Variants in PRKG1 observed in about 807,000 individuals in gnomAD.
PRKG1 encodes the protein cGMP-dependent protein kinase 1.
In PRKG1, 35 loss-of-function variants were observed where a neutral mutation model predicts 88.1. That is an observed-to-expected ratio of 0.40 (90% CI 0.30 to 0.53). PRKG1 has a LOEUF of 0.53. Ranked by LOEUF, PRKG1 falls within the 20% of genes least tolerant of loss-of-function variation. PRKG1 has a pLI of 0.59. For synonymous variants in PRKG1, 303 were observed against 292.5 expected, an observed-to-expected ratio of 1.04 and a Z score of -0.37; for missense variants, 540 against 839.8, an observed-to-expected ratio of 0.64 and a Z score of 4.41.
chr10:51,023,601 G>C (rs1416528799), intron 1 of PRKG1, among the ~76,000 whole-genome samples: 1 of 152,156 alleles, frequency 6.6e-6, no homozygotes, highest in Non-Finnish European at 1.5e-5. Context: ...ATGGAGTCTA[G>C]TATATTAAAT....
intron 3 of PRKG1, among the ~76,000 whole-genome samples, chr10:51,694,707 T>C (rs1165031743): frequency 6.6e-6 from 1 of 151,740 alleles, no homozygotes; most frequent in African/African-American, 2.4e-5. Flanking sequence ...TTGGTGATTT[T>C]ATTTTAGTCT....
intron 1 of PRKG1, among the ~76,000 whole-genome samples, chr10:51,087,714 A>G (rs573332125): frequency 3.3e-5 from 5 of 152,278 alleles, no homozygotes; most frequent in African/African-American, 1.2e-4. Flanking sequence ...CCTTAGTATA[A>G]TGATAGTTCT....
At chr10:51,718,238 G>C (rs967732552) in intron 3 of PRKG1, among the ~76,000 whole-genome samples, 1 of 152,190 alleles carries the variant, frequency 6.6e-6, no homozygotes, top group East Asian at 1.9e-4. Context: ...TCTCTGAAAA[G>C]GTCGCTTCTA....
intron 3 of PRKG1, among the ~76,000 whole-genome samples, chr10:51,605,288 G>A (rs906343903): frequency 1.3e-5 from 2 of 152,150 alleles, no homozygotes; most frequent in Non-Finnish European, 2.9e-5. Context: ...TGCAACATTT[G>A]GGCATGAAAA....
At chr10:51,488,641 G>A (rs1257440233) in intron 3 of PRKG1, among the ~76,000 whole-genome samples, 2 of 151,978 alleles carry the variant, frequency 1.3e-5, no homozygotes, top group Non-Finnish European at 2.9e-5. Flanking sequence ...CCTAATCTTT[G>A]AATCTACTAT....
At chr10:51,636,637 T>A (rs999507964) in intron 3 of PRKG1, among the ~76,000 whole-genome samples, 2 of 152,206 alleles carry the variant, frequency 1.3e-5, no homozygotes, top group African/African-American at 4.8e-5. Context: ...CTTTGGGCAC[T>A]TGGATAAGAT....
At chr10:51,051,913 A>G (rs967464995) in intron 1 of PRKG1, among the ~76,000 whole-genome samples, 2 of 152,184 alleles carry the variant, frequency 1.3e-5, no homozygotes, top group Non-Finnish European at 1.5e-5. Context: ...ATTAACCCTA[A>G]CTAACACATG....
At chr10:51,688,398 G>T (rs1235914536) in intron 3 of PRKG1, among the ~76,000 whole-genome samples, 1 of 152,064 alleles carries the variant, frequency 6.6e-6, no homozygotes, top group Non-Finnish European at 1.5e-5. Flanking sequence ...AATGGTGGCA[G>T]GCTGGTGTCT....
At chr10:51,272,603 TGAG>T (rs1002878643) in intron 2 of PRKG1, among the ~76,000 whole-genome samples, 32 of 152,208 alleles carry the variant, frequency 2.1e-4, no homozygotes, top group African/African-American at 7.2e-4. Flanking sequence ...AAAGGGAGGA[TGAG>T]AAGTGAACAG....
At chr10:52,224,144 T>C (rs1259938286) in intron 9 of PRKG1, among the ~76,000 whole-genome samples, 2 of 152,104 alleles carry the variant, frequency 1.3e-5, no homozygotes, top group Non-Finnish European at 2.9e-5. Flanking sequence ...CCCAGACAAC[T>C]TGCACCCCTT....
chr10:52,150,171 A>ATTATTATTATTATTATT (rs1564490935), intron 8 of PRKG1, among the ~76,000 whole-genome samples: 21 of 103,062 alleles, frequency 2.0e-4, no homozygotes, highest in African/African-American at 8.2e-4. Flanking sequence ...TAATAATAAT[A>ATTATTATTATTATTATT]ATAATAATAA....
At chr10:52,249,781 A>G (rs1455150764) in intron 9 of PRKG1, among the ~76,000 whole-genome samples, 1 of 152,006 alleles carries the variant, frequency 6.6e-6, no homozygotes, top group African/African-American at 2.4e-5. Flanking sequence ...CCAAGATTGC[A>G]CCGCTGCACT....
At chr10:51,707,582 C>T (rs539531295) in intron 3 of PRKG1, among the ~76,000 whole-genome samples, 3 of 148,432 alleles carry the variant, frequency 2.0e-5, no homozygotes, top group African/African-American at 7.8e-5. Context: ...TGGAACAACG[C>T]ATGAATCTTT....
At chr10:51,628,046 CTTT>C (rs1229282178) in intron 3 of PRKG1, among the ~76,000 whole-genome samples, 4 of 130,774 alleles carry the variant, frequency 3.1e-5, no homozygotes, top group Non-Finnish European at 3.4e-5. Flanking sequence ...TTCCTTCCTT[CTTT>C]CCTTTCCTTT....
At chr10:51,722,196 T>A (rs1036613989) in intron 3 of PRKG1, among the ~76,000 whole-genome samples, 1 of 151,458 alleles carries the variant, frequency 6.6e-6, no homozygotes, top group Non-Finnish European at 1.5e-5. Context: ...GCCACTGCAC[T>A]CCAGCCTGGG....
intron 2 of PRKG1, among the ~76,000 whole-genome samples, chr10:51,252,852 G>T (rs185121663): frequency 6.3e-4 from 95 of 151,944 alleles, no homozygotes; most frequent in African/African-American, 2.2e-3. Context: ...CTGGAATAAA[G>T]TAAAAGCTTG....
At chr10:51,019,980 G>GA (rs142959494) in intron 1 of PRKG1, among the ~76,000 whole-genome samples, 4,957 of 151,988 alleles carry the variant, frequency 0.033, 256 homozygotes, top group African/African-American at 0.11. Context: ...CTACTATAAA[G>GA]AAAAAACCCA....
intron 3 of PRKG1, among the ~76,000 whole-genome samples, chr10:51,710,023 A>G (rs922375362): frequency 1.8e-4 from 27 of 152,342 alleles, no homozygotes; most frequent in African/African-American, 6.3e-4. Context: ...TACTGAGTAT[A>G]TACTCTGTGG....
intron 2 of PRKG1, among the ~76,000 whole-genome samples, chr10:51,307,653 C>T (rs914425831): frequency 2.0e-5 from 3 of 152,074 alleles, no homozygotes; most frequent in South Asian, 2.1e-4. Flanking sequence ...AGGCAATAAG[C>T]ATTAGACCAA....
Sources: allele counts gnomAD v4.1 joint callset (sites outside exome capture counted in the v4.1 genomes callset), GRCh38; gene constraint gnomAD v4.1.1; transcripts MANE v1.5; gene names NCBI Gene and HGNC (gene_info 2026-07-23, HGNC 2026-07-21).